SYT1: variants seen among roughly 807,000 people sequenced by gnomAD.
SYT1 encodes synaptotagmin-1.
Under a neutral mutation model 44.8 loss-of-function variants are expected in SYT1, and 8 were observed. The observed-to-expected ratio is 0.18, with a 90% CI of 0.10 to 0.32. The LOEUF (loss-of-function observed/expected upper bound fraction) is 0.32, where lower values mean the gene tolerates loss of function less well. Ranked by LOEUF, SYT1 falls within the 10% of genes least tolerant of loss-of-function variation. SYT1 has a pLI of 1.00. For missense variants in SYT1, 286 were observed against 509.3 expected (o/e 0.56, Z 4.22); for synonymous variants, 154 against 188.8 (o/e 0.82, Z 1.51).
chr12:79,045,164 C>G (rs570669686), intron 2 of SYT1, among the ~76,000 whole-genome samples: 3 of 152,160 alleles, frequency 2.0e-5, no homozygotes, highest in Non-Finnish European at 4.4e-5. Flanking sequence ...TCGAGCTTCC[C>G]GGCTGCTTTG....
At chr12:79,234,087 T>C (rs1876032560) in intron 4 of SYT1, among the ~76,000 whole-genome samples, 1 of 152,166 alleles carries the variant, frequency 6.6e-6, no homozygotes, top group South Asian at 2.1e-4. Context: ...CTTTCTTTCC[T>C]TCTAACATTC....
intron 2 of SYT1, among the ~76,000 whole-genome samples, chr12:79,034,955 G>C (rs536857450): frequency 6.6e-6 from 1 of 151,632 alleles, no homozygotes; most frequent in East Asian, 1.9e-4. Flanking sequence ...TTCTACAGTT[G>C]TTCTCCACAT....
chr12:78,868,482 A>AT (rs1385153609), intron 1 of SYT1, among the ~76,000 whole-genome samples: 1 of 151,832 alleles, frequency 6.6e-6, no homozygotes, highest in Non-Finnish European at 1.5e-5. Flanking sequence ...TTTAGCTGAA[A>AT]TTTTTTCACT....
chr12:79,401,695 G>A (rs1375352118), intron 9 of SYT1, among the ~76,000 whole-genome samples: 1 of 145,146 alleles, frequency 6.9e-6, no homozygotes, highest in Non-Finnish European at 1.5e-5. Context: ...TTGGAGACAA[G>A]GTCTCACCCT....
Position 78,899,770 on chromosome 12 carries a change from C to T in SYT1, c.-217+34661C>T, listed in dbSNP as rs139536966. Among the ~76,000 whole-genome samples, 244 of 152,062 alleles carry T rather than the reference C, an allele frequency of 1.6e-3. 1 individual carries two copies. The highest frequency in any genetic ancestry group is 5.7e-3 in the African/African-American group (237 of 41,528). On this transcript the variant is annotated intron_variant, in intron 1 of 10. Transcript: ENST00000261205. ...ATGTGAAAACTTTTTCTCTAATACA[C>T]TTAGTTCAATATGCTTTATACTTTT...
At chr12:79,013,018 G>C (rs1871523502) in intron 2 of SYT1, among the ~76,000 whole-genome samples, 1 of 151,936 alleles carries the variant, frequency 6.6e-6, no homozygotes, top group African/African-American at 2.4e-5. Flanking sequence ...TGCCACCTCT[G>C]CTTGCTTCCA....
At position 79,369,399 on chromosome 12, in the gene SYT1, C is replaced by A. The variant is rs566226255; in HGVS notation, c.928+15780C>A. Reference sequence around the variant, plus strand: ...GGTGAGGCAGGAGGATTGCTTGAGCCCAGGAGGCTCAAGCCCATGATCACT... The same window carrying A: ...GGTGAGGCAGGAGGATTGCTTGAGCACAGGAGGCTCAAGCCCATGATCACT... On this transcript the variant is annotated intron_variant, in intron 9 of 10. Coordinates refer to ENST00000261205, the MANE Select transcript of SYT1 (RefSeq NM_005639.3). 1.2e-3 allele frequency among the ~76,000 whole-genome samples: 187 copies of A among 152,176 alleles called. 1 individual carries two copies. Among genetic ancestry groups the A allele is most frequent in the African/African-American group, 4.4e-3 (181 of 41,524 alleles).
chr12:79,419,289 A>G (rs1485037935), intron 9 of SYT1: 1 of 524,604 alleles, frequency 1.9e-6, no homozygotes, highest in South Asian at 1.4e-5. Context: ...TTTAGAAAAG[A>G]GAATTCCAAA....
chr12:79,155,629 G>A (rs145724396), intron 3 of SYT1, among the ~76,000 whole-genome samples: 22 of 152,260 alleles, frequency 1.4e-4, no homozygotes, highest in African/African-American at 5.3e-4. Flanking sequence ...ATGTTTTAAT[G>A]TACTTTATAT....
chr12:79,256,044 T>C (rs972843066), intron 4 of SYT1, among the ~76,000 whole-genome samples: 7 of 152,194 alleles, frequency 4.6e-5, no homozygotes, highest in Non-Finnish European at 8.8e-5. Flanking sequence ...AAATGAATAG[T>C]GGCTTACGTG....
At chr12:79,123,915 CTT>C (rs1320415368) in intron 3 of SYT1, among the ~76,000 whole-genome samples, 1 of 152,162 alleles carries the variant, frequency 6.6e-6, no homozygotes, top group Non-Finnish European at 1.5e-5. Context: ...ATTAAAGACT[CTT>C]TAATGCCAAT....
At chr12:79,306,415 G>A (rs1233362339) in intron 8 of SYT1, among the ~76,000 whole-genome samples, 1 of 152,164 alleles carries the variant, frequency 6.6e-6, no homozygotes, top group African/African-American at 2.4e-5. Flanking sequence ...TCATTGAAAT[G>A]GCCATAACTA....
At chr12:79,244,631 G>A (rs1419343103) in intron 4 of SYT1, among the ~76,000 whole-genome samples, 1 of 151,646 alleles carries the variant, frequency 6.6e-6, no homozygotes, top group East Asian at 1.9e-4. Context: ...TTGAACCCAG[G>A]AGGCAGAGGT....
chr12:79,338,733 C>T (rs1436668536), intron 8 of SYT1, among the ~76,000 whole-genome samples: 5 of 142,834 alleles, frequency 3.5e-5, no homozygotes, highest in Non-Finnish European at 7.6e-5. Context: ...AGGTTTGTTA[C>T]ATATGTATAC....
intron 3 of SYT1, among the ~76,000 whole-genome samples, chr12:79,070,552 A>G (rs934773494): frequency 6.6e-6 from 1 of 151,994 alleles, no homozygotes; most frequent in African/African-American, 2.4e-5. Context: ...TTCTATTCTA[A>G]GTTCCTATTT....
intron 3 of SYT1, among the ~76,000 whole-genome samples, chr12:79,142,194 G>A (rs1314211022): frequency 6.6e-6 from 1 of 152,192 alleles, no homozygotes; most frequent in African/African-American, 2.4e-5. Flanking sequence ...TATACCTGGG[G>A]ACTCACAGCT....
intron 1 of SYT1, among the ~76,000 whole-genome samples, chr12:78,961,602 C>G (rs79856534): frequency 0.015 from 2,303 of 151,864 alleles, 67 homozygotes; most frequent in African/African-American, 0.053. Flanking sequence ...TTCCCTGGGT[C>G]GCAAGCAGTA....
chr12:78,866,261 A>G (rs1031290809), intron 1 of SYT1, among the ~76,000 whole-genome samples: 2 of 152,114 alleles, frequency 1.3e-5, no homozygotes, highest in Admixed American at 6.6e-5. Context: ...ATTTTCTTTT[A>G]ATAGGACAAT....
intron 9 of SYT1, among the ~76,000 whole-genome samples, chr12:79,419,089 T>A (rs1289698220): frequency 6.6e-6 from 1 of 152,134 alleles, no homozygotes; most frequent in East Asian, 1.9e-4. Context: ...TCCCACTAAT[T>A]GACCACTGAG....
Sources: allele counts gnomAD v4.1 joint callset (sites outside exome capture counted in the v4.1 genomes callset), GRCh38; gene constraint gnomAD v4.1.1; transcripts MANE v1.5; gene names NCBI Gene and HGNC (gene_info 2026-07-23, HGNC 2026-07-21).